Variants in ACVR1C observed in about 807,000 individuals in gnomAD.
ACVR1C encodes activin receptor type-1C.
ACVR1C carries 23 observed loss-of-function variants against 57.9 expected under a neutral mutation model. The observed-to-expected ratio is 0.40, with a 90% CI of 0.29 to 0.56. The LOEUF is 0.56. Ranked by LOEUF, ACVR1C falls within the 20% of genes least tolerant of loss-of-function variation. The pLI, the probability that ACVR1C is intolerant of heterozygous loss-of-function variation, is 0.50. For missense variants in ACVR1C, 480 were observed against 607.9 expected, an observed-to-expected ratio of 0.79 and a Z score of 2.21; for synonymous variants, 214 against 215.3, an observed-to-expected ratio of 0.99 and a Z score of 0.05.
At chr2:157,542,184 G>A (rs889579311) in intron 6 of ACVR1C, among the ~76,000 whole-genome samples, 3 of 151,992 alleles carry the variant, frequency 2.0e-5, no homozygotes, top group South Asian at 2.1e-4. Context: ...AAAAATATAG[G>A]TAATACATAA....
Position 157,597,459 on chromosome 2 carries a change from G to T in ACVR1C, c.74-10042C>A, listed in dbSNP as rs570724746. ...TGAATTTGCGAAGGGACACCCTGCG[G>T]TCGCCGGGATGCCCCAGCTTTCCGC... On this transcript the variant is annotated intron_variant, in intron 1 of 8. Transcript: ENST00000243349. 12 of 985,442 alleles carry T rather than the reference G, an allele frequency of 1.2e-5. 1 individual carries two copies. In the African/African-American group the frequency reaches 1.9e-4, roughly 16 times the overall value. The allele number at this position is 985,442 out of a possible 1,614,324, so 61.0% of individuals were successfully genotyped here.
intron 1 of ACVR1C, among the ~76,000 whole-genome samples, chr2:157,609,989 G>C (rs538500500): frequency 1.9e-4 from 29 of 151,994 alleles, no homozygotes; most frequent in Non-Finnish European, 3.5e-4. Context: ...TTTTGTTCCT[G>C]TCATATTGTT....
chr2:157,608,859 T>C (rs1164389377), intron 1 of ACVR1C, among the ~76,000 whole-genome samples: 3 of 152,058 alleles, frequency 2.0e-5, no homozygotes, highest in East Asian at 1.9e-4. Flanking sequence ...ATTTGTGTCT[T>C]CTCTTTTTTC....
intron 3 of ACVR1C, among the ~76,000 whole-genome samples, chr2:157,552,733 C>A (rs762313564): frequency 6.6e-6 from 1 of 152,082 alleles, no homozygotes; most frequent in Non-Finnish European, 1.5e-5. Context: ...ATAAAGTACT[C>A]GAGACAGCAA....
At chr2:157,610,688 C>G (rs1207854357) in intron 1 of ACVR1C, among the ~76,000 whole-genome samples, 1 of 152,074 alleles carries the variant, frequency 6.6e-6, no homozygotes, top group Non-Finnish European at 1.5e-5. Context: ...TATTTGGTCC[C>G]TTTATTGTGT....
chr2:157,574,159 CT>C (rs1214635678), intron 2 of ACVR1C, among the ~76,000 whole-genome samples: 3 of 152,178 alleles, frequency 2.0e-5, no homozygotes, highest in Non-Finnish European at 2.9e-5. Flanking sequence ...TTCATCCATT[CT>C]GTAAAACAGC....
intron 1 of ACVR1C, among the ~76,000 whole-genome samples, chr2:157,613,437 T>TA (rs1682575160): frequency 6.6e-6 from 1 of 150,822 alleles, no homozygotes; most frequent in African/African-American, 2.5e-5. Flanking sequence ...GTTGTATTGT[T>TA]AATTTTTGTT....
At chr2:157,548,222 G>A (rs1015705473) in intron 4 of ACVR1C, among the ~76,000 whole-genome samples, 22 of 150,490 alleles carry the variant, frequency 1.5e-4, no homozygotes, top group Non-Finnish European at 3.1e-4. Flanking sequence ...AACTTACAAG[G>A]GATGTGAAGG....
chr2:157,595,321 G>A (rs937339440), intron 1 of ACVR1C, among the ~76,000 whole-genome samples: 2 of 152,166 alleles, frequency 1.3e-5, no homozygotes, highest in African/African-American at 4.8e-5. Flanking sequence ...ACCGCTCTTG[G>A]GTACATAGCA....
intron 1 of ACVR1C, among the ~76,000 whole-genome samples, chr2:157,620,625 A>G (rs1318708330): frequency 6.6e-6 from 1 of 152,162 alleles, no homozygotes; most frequent in Non-Finnish European, 1.5e-5. Context: ...TTTTTAATTG[A>G]CACATAATTG....
chr2:157,549,944 G>A (rs1459894549), intron 4 of ACVR1C, among the ~76,000 whole-genome samples: 3 of 148,578 alleles, frequency 2.0e-5, no homozygotes, highest in South Asian at 2.1e-4. Context: ...CAGAGCTTGC[G>A]GTGAGCCGAG....
intron 2 of ACVR1C, among the ~76,000 whole-genome samples, chr2:157,577,198 A>T (rs1400805656): frequency 2.6e-5 from 4 of 152,160 alleles, no homozygotes; most frequent in Non-Finnish European, 4.4e-5. Context: ...CCCATTTTAT[A>T]ACTGATTCAA....
At position 157,598,666 on chromosome 2, in the gene ACVR1C, A is replaced by T. The variant is rs1682199741; in HGVS notation, c.74-11249T>A. Among the ~76,000 whole-genome samples, 5 of 151,210 alleles carry T rather than the reference A, an allele frequency of 3.3e-5. No individual in the cohort carries two copies. In the South Asian group the frequency reaches 1.0e-3, roughly 32 times the overall value. Reference sequence around the variant, plus strand: ...GTGATTCTCCTGCCTCAGCCTTCCGAGTAGCTGGGATTACAGGCGCTCACC... The same window carrying T: ...GTGATTCTCCTGCCTCAGCCTTCCGTGTAGCTGGGATTACAGGCGCTCACC... On this transcript the variant is annotated intron_variant, in intron 1 of 8. Coordinates refer to ENST00000243349, the MANE Select transcript of ACVR1C (RefSeq NM_145259.3).
chr2:157,628,632 G>C lies in ACVR1C; in HGVS notation c.13C>G (p.Leu5Val). 2 of 1,588,274 alleles carry C rather than the reference G, an allele frequency of 1.3e-6. No individual in the cohort carries two copies. The highest frequency in any genetic ancestry group is 1.7e-6 in the Non-Finnish European group (2 of 1,168,728). The change falls in exon 1 of 9, where the codon CTC (leucine) becomes GTC (valine). Residue 5 changes from leucine to valine, a missense_variant. By Grantham distance (32) the Leu-to-Val change is conservative. Transcript: ENST00000243349. Reference protein sequence around the residue: MTRALCSALRQALLL... With the variant: MTRAVCSALRQALLL... ...AGAGCCTGGCGGAGCGCTGAGCAGA[G>C]CGCCCGGGTCATCGCCACCAGGCGG... is the stretch of plus-strand genomic sequence containing the variant.
In ACVR1C at chr2:157,546,626, G is replaced by A. The variant is rs113278252; in HGVS notation, c.776-2014C>T. 7.7e-3 allele frequency among the ~76,000 whole-genome samples: 1,177 copies of A among 152,066 alleles called. 14 individuals carry two copies. Among genetic ancestry groups the A allele is most frequent in the African/African-American group, 0.027 (1,101 of 41,500 alleles). On this transcript the variant is annotated intron_variant, in intron 4 of 8. Transcript: ENST00000243349. The stretch of plus-strand genomic sequence containing the variant: ...ATGAGTATTACTAACTGGAGCTAAA[G>A]TTTAAAAGTTGACTGAATCAAGTTT...
intron 2 of ACVR1C, among the ~76,000 whole-genome samples, chr2:157,580,511 C>A (rs887571931): frequency 2.6e-5 from 4 of 152,188 alleles, no homozygotes; most frequent in African/African-American, 9.7e-5. Flanking sequence ...AATAAACTAT[C>A]TTAGAATTTC....
chr2:157,610,114 A>G (rs192786940), intron 1 of ACVR1C, among the ~76,000 whole-genome samples: 1 of 152,016 alleles, frequency 6.6e-6, no homozygotes, highest in African/African-American at 2.4e-5. Context: ...TCTTCCAAAT[A>G]TGTGTGTGTT....
At chr2:157,611,650 A>G (rs1180248787) in intron 1 of ACVR1C, among the ~76,000 whole-genome samples, 2 of 152,106 alleles carry the variant, frequency 1.3e-5, no homozygotes, top group African/African-American at 4.8e-5. Context: ...AGTATCTGTG[A>G]TAGGCTGGGT....
intron 1 of ACVR1C, among the ~76,000 whole-genome samples, chr2:157,596,093 T>A (rs1317555901): frequency 6.6e-6 from 1 of 152,256 alleles, no homozygotes; most frequent in Non-Finnish European, 1.5e-5. Flanking sequence ...AAAGATGTAC[T>A]GAATTACAAA....
Sources: gnomAD v4.1 joint callset for allele counts (sites outside exome capture counted in the v4.1 genomes callset) on GRCh38, gnomAD v4.1.1 for gene constraint, MANE v1.5 for transcripts, NCBI Gene and HGNC (gene_info 2026-07-23, HGNC 2026-07-21) for gene names.